The following DNMBP variants were observed in gnomAD, a reference collection of about 807,000 sequenced individuals.
DNMBP encodes the protein dynamin binding protein.
In DNMBP, 87 loss-of-function variants were observed where a neutral mutation model predicts 150.0. The ratio of observed to expected loss-of-function variants is 0.58; its 90% CI spans 0.49 to 0.69. The LOEUF (loss-of-function observed/expected upper bound fraction) is 0.69. Among genes scored for constraint, DNMBP ranks in the 30% least tolerant of loss-of-function variants. DNMBP has a pLI of 0.00. For synonymous variants in DNMBP, 711 were observed against 750.4 expected, an observed-to-expected ratio of 0.95 and a Z score of 0.86; for missense variants, 1,774 against 1,949.0, an observed-to-expected ratio of 0.91 and a Z score of 1.69.
intron 16 of DNMBP, among the ~76,000 whole-genome samples, chr10:99,878,000 T>C (rs2039303222): frequency 6.6e-6 from 1 of 152,070 alleles, no homozygotes; most frequent in Non-Finnish European, 1.5e-5. Flanking sequence ...ACACCTGTGA[T>C]CCCAGCTACT....
chr10:99,888,518 A>T (rs2039506195), intron 12 of DNMBP, among the ~76,000 whole-genome samples: 1 of 152,104 alleles, frequency 6.6e-6, no homozygotes, highest in African/African-American at 2.4e-5. Flanking sequence ...GACCCTCTTC[A>T]AGTTATTATT....
intron 1 of DNMBP, among the ~76,000 whole-genome samples, chr10:99,999,204 C>T (rs547489212): frequency 1.3e-5 from 2 of 152,346 alleles, no homozygotes; most frequent in Admixed American, 6.5e-5. Flanking sequence ...TCACTGTCTT[C>T]AGGCACTCAT....
intron 1 of DNMBP, 95 bp from the exon 2 acceptor site, chr10:99,972,229 T>C: frequency 6.5e-6 from 8 of 1,227,412 alleles, no homozygotes; most frequent in Non-Finnish European, 9.0e-6. Context: ...AAGATACAAA[T>C]ATACTTAAAA....
Position 99,876,891 on chromosome 10 carries a change from T to C in DNMBP, c.*260A>G, listed in dbSNP as rs2002109. The C allele has an allele frequency of 0.49, 184,759 of 374,804 alleles. 46,898 individuals carry two copies. Among genetic ancestry groups the C allele is most frequent in the Middle Eastern group, 0.54 (756 of 1,404 alleles). The allele number at this position is 374,804 out of a possible 1,614,324, so 23.2% of individuals were successfully genotyped here. Reference sequence around the variant, plus strand: ...GTTTCTCCTTTCCAAAAGCCAGCTCTAAGACTTGTCTCTCTTCTCATAGTC... The same window carrying C: ...GTTTCTCCTTTCCAAAAGCCAGCTCCAAGACTTGTCTCTCTTCTCATAGTC... On this transcript the variant is annotated 3_prime_UTR_variant, in exon 17 of 17. Coordinates refer to ENST00000324109, the MANE Select transcript of DNMBP (RefSeq NM_015221.4).
At chr10:99,946,024 T>C (rs1204661106) in intron 4 of DNMBP, among the ~76,000 whole-genome samples, 1 of 152,252 alleles carries the variant, frequency 6.6e-6, no homozygotes, top group East Asian at 1.9e-4. Flanking sequence ...TGGCACGATC[T>C]TGGCTCACTG....
At chr10:100,002,215 G>A (rs1425144766) in intron 1 of DNMBP, among the ~76,000 whole-genome samples, 1 of 152,136 alleles carries the variant, frequency 6.6e-6, no homozygotes, top group African/African-American at 2.4e-5. Context: ...TTTAGCAGGG[G>A]TTGGTGCTAA....
intron 2 of DNMBP, among the ~76,000 whole-genome samples, chr10:99,970,934 T>C (rs1161052917): frequency 2.7e-5 from 3 of 111,082 alleles, no homozygotes; most frequent in Admixed American, 2.7e-4. Flanking sequence ...ATCATGCCAC[T>C]GCACTCCAGC....
At chr10:99,930,230 A>G (rs1027264082) in intron 4 of DNMBP, 8 of 702,892 alleles carry the variant, frequency 1.1e-5, no homozygotes, top group Middle Eastern at 2.3e-4. Context: ...CATGGTCTAT[A>G]TACCACAACT....
At chr10:99,959,458 G>C (rs2040537366) in intron 3 of DNMBP, among the ~76,000 whole-genome samples, 2 of 152,066 alleles carry the variant, frequency 1.3e-5, no homozygotes, top group African/African-American at 4.8e-5. Flanking sequence ...TTGCACTCCA[G>C]CCTGGGCGAC....
rs768589188 is a variant in DNMBP at position 99,877,343 on chromosome 10, G to A, written c.4549-7C>T. 3.8e-6 allele frequency: 6 copies of A among 1,594,794 alleles called. No individual in the cohort carries two copies. The highest frequency in any genetic ancestry group is 5.1e-6 in the Non-Finnish European group (6 of 1,169,992). On this transcript the variant is annotated splice_polypyrimidine_tract_variant and splice_region_variant and intron_variant, in intron 16 of 16. Coordinates refer to ENST00000324109, the MANE Select transcript of DNMBP (RefSeq NM_015221.4). ...TGTAGACAGCAAAATAGACCTGTGT[G>A]AGGGAGAGAGAGAAAATGGGAAATT...
At chr10:99,889,492 G>A (rs2039524177) in intron 11 of DNMBP, 1 of 152,304 alleles carries the variant, frequency 6.6e-6, no homozygotes, top group African/African-American at 2.4e-5. Flanking sequence ...CTTGCTTATT[G>A]TCATGATCTC....
chr10:99,958,027 A>G (rs7896767), intron 3 of DNMBP: 71,076 of 151,952 alleles, frequency 0.47, 17,588 homozygotes, highest in African/African-American at 0.63. Flanking sequence ...CCAGCTATTC[A>G]GGAGGCTGAG....
intron 1 of DNMBP, among the ~76,000 whole-genome samples, chr10:99,988,024 G>A (rs561485510): frequency 1.4e-4 from 21 of 152,154 alleles, no homozygotes; most frequent in Admixed American, 3.3e-4. Flanking sequence ...AGAGGCAGGC[G>A]GGGGAAATAG....
chr10:99,954,807 T>C (rs1437854972), intron 4 of DNMBP, among the ~76,000 whole-genome samples: 1 of 149,486 alleles, frequency 6.7e-6, no homozygotes, highest in Non-Finnish European at 1.5e-5. Flanking sequence ...TCCCAACACT[T>C]TGGGAGGCCG....
At chr10:99,993,648 A>T (rs2040921411) in intron 1 of DNMBP, among the ~76,000 whole-genome samples, 1 of 152,102 alleles carries the variant, frequency 6.6e-6, no homozygotes, top group African/African-American at 2.4e-5. Flanking sequence ...AAAATTTATT[A>T]AAAATTAGCT....
Position 99,921,683 on chromosome 10 carries a change from GTCT to G in DNMBP, c.2261-12540_2261-12538del, listed in dbSNP as rs1253423406. ...AGCCTGGCCAACATGGCAAAACTCT[GTCT>G]CTACTGAAAAAAAAAAAAAATACAA... is the stretch of plus-strand genomic sequence containing the variant. On this transcript the variant is annotated intron_variant, in intron 4 of 16. Coordinates refer to ENST00000324109, the MANE Select transcript of DNMBP (RefSeq NM_015221.4). Among the ~76,000 whole-genome samples the G allele has an allele frequency of 3.7e-5, 5 of 136,266 alleles. No homozygotes were observed. In the East Asian group the frequency reaches 1.0e-3, roughly 28 times the overall value. 89.4% of individuals were successfully genotyped at this position (136,266 alleles called of 152,430 possible).
intron 1 of DNMBP, among the ~76,000 whole-genome samples, chr10:99,999,600 T>A (rs771938366): frequency 2.6e-5 from 4 of 152,242 alleles, no homozygotes; most frequent in Admixed American, 6.5e-5. Context: ...AGAGCCCACA[T>A]TCACATAGCT....
chr10:99,885,010 G>A (rs1348280167), intron 14 of DNMBP, among the ~76,000 whole-genome samples: 1 of 152,138 alleles, frequency 6.6e-6, no homozygotes, highest in Non-Finnish European at 1.5e-5. Context: ...TCTAGCTGGT[G>A]TGCCTTATGC....
At chr10:99,934,031 C>T (rs955812317) in intron 4 of DNMBP, among the ~76,000 whole-genome samples, 3 of 152,182 alleles carry the variant, frequency 2.0e-5, no homozygotes, top group African/African-American at 7.2e-5. Flanking sequence ...CCACTGCGCC[C>T]AGCCTTGTGA....
Sources: allele counts gnomAD v4.1 joint callset (sites outside exome capture counted in the v4.1 genomes callset), GRCh38; gene constraint gnomAD v4.1.1; transcripts MANE v1.5; gene names NCBI Gene and HGNC (gene_info 2026-07-23, HGNC 2026-07-21).